TAFA2: variants seen among roughly 807,000 people sequenced by gnomAD.
The protein encoded by TAFA2 is TAFA chemokine like family member 2, also known as chemokine-like protein TAFA-2.
A neutral mutation model predicts 18.8 loss-of-function variants in TAFA2; 7 were observed. That is an observed-to-expected ratio of 0.37 (90% CI 0.21 to 0.70). TAFA2 has a LOEUF of 0.70. Ranked by LOEUF, TAFA2 falls within the 30% of genes least tolerant of loss-of-function variation. TAFA2 has a pLI of 0.53. For synonymous variants in TAFA2, 60 were observed against 54.2 expected, an observed-to-expected ratio of 1.11 and a Z score of -0.47; for missense variants, 122 against 158.1, an observed-to-expected ratio of 0.77 and a Z score of 1.23.
chr12:61,829,200 T>A (rs1276083814), intron 2 of TAFA2, among the ~76,000 whole-genome samples: 1 of 151,752 alleles, frequency 6.6e-6, no homozygotes, highest in Non-Finnish European at 1.5e-5. Context: ...TTTATAGTAC[T>A]GCACTGAAGT....
intron 1 of TAFA2, among the ~76,000 whole-genome samples, chr12:62,134,909 A>G (rs2136899561): frequency 6.6e-6 from 1 of 152,036 alleles, no homozygotes; most frequent in Admixed American, 6.6e-5. Flanking sequence ...CCAGCACTGT[A>G]ACATTACCTA....
At chr12:61,755,083 C>T in intron 2 of TAFA2, 59 bp from the exon 3 acceptor site, 1 of 1,558,130 alleles carries the variant, frequency 6.4e-7, no homozygotes. Context: ...TCCCCCCACC[C>T]TTCTTTTTAA....
At chr12:62,189,540 G>T (rs894052093) in intron 1 of TAFA2, among the ~76,000 whole-genome samples, 2 of 152,166 alleles carry the variant, frequency 1.3e-5, no homozygotes, top group East Asian at 3.8e-4. Context: ...AGGATGTTAG[G>T]TGCCAATTTT....
chr12:62,065,839 G>A (rs1222623110), intron 1 of TAFA2, among the ~76,000 whole-genome samples: 1 of 151,766 alleles, frequency 6.6e-6, no homozygotes, highest in Non-Finnish European at 1.5e-5. Context: ...AATAATAAAA[G>A]AAAAGTGGTT....
At chr12:62,039,260 A>G (rs1294804677) in intron 1 of TAFA2, among the ~76,000 whole-genome samples, 1 of 152,220 alleles carries the variant, frequency 6.6e-6, no homozygotes, top group African/African-American at 2.4e-5. Context: ...CTAATTCACT[A>G]TTTTATTTAT....
At chr12:62,075,947 T>C (rs1565736389) in intron 1 of TAFA2, among the ~76,000 whole-genome samples, 1 of 152,226 alleles carries the variant, frequency 6.6e-6, no homozygotes, top group Non-Finnish European at 1.5e-5. Flanking sequence ...CTCTTTTTAT[T>C]TTGTAGACCC....
chr12:62,194,329 AC>A (rs1281256788), upstream of TAFA2, among the ~76,000 whole-genome samples: 2 of 1,172 alleles, frequency 1.7e-3, no homozygotes, highest in Non-Finnish European at 5.1e-3. Flanking sequence ...ACACACACAT[AC>A]AAAAAAACAT....
chr12:61,854,217 A>T (rs1273955859), intron 2 of TAFA2, among the ~76,000 whole-genome samples: 2 of 152,200 alleles, frequency 1.3e-5, no homozygotes, highest in African/African-American at 4.8e-5. Context: ...AGAATATTCA[A>T]AAAACAAAAA....
intron 2 of TAFA2, among the ~76,000 whole-genome samples, chr12:61,806,309 T>C (rs906092653): frequency 1.3e-5 from 2 of 152,140 alleles, no homozygotes; most frequent in Admixed American, 1.3e-4. Flanking sequence ...TCACGAGATC[T>C]GATGTATTTT....
intron 1 of TAFA2, among the ~76,000 whole-genome samples, chr12:62,056,834 C>A (rs2136782188): frequency 6.6e-6 from 1 of 152,314 alleles, no homozygotes; most frequent in South Asian, 2.1e-4. Context: ...TCAAGCGTAA[C>A]AATAACCACA....
chr12:61,944,971 C>G (rs1878204343), intron 1 of TAFA2, among the ~76,000 whole-genome samples: 1 of 149,966 alleles, frequency 6.7e-6, no homozygotes, highest in African/African-American at 2.5e-5. Flanking sequence ...CAGCATCATT[C>G]TGATACCAAA....
chr12:61,826,231 G>A (rs1241989622), intron 2 of TAFA2, among the ~76,000 whole-genome samples: 1 of 151,946 alleles, frequency 6.6e-6, no homozygotes, highest in East Asian at 1.9e-4. Flanking sequence ...CATTTTCAGA[G>A]TACGTGTAGC....
chr12:62,065,273 A>G (rs1442360421), intron 1 of TAFA2, among the ~76,000 whole-genome samples: 1 of 152,086 alleles, frequency 6.6e-6, no homozygotes, highest in Non-Finnish European at 1.5e-5. Context: ...CTTCCAGGAA[A>G]AAACCTGAGC....
intron 4 of TAFA2, among the ~76,000 whole-genome samples, chr12:61,730,066 T>C (rs1454538766): frequency 6.6e-6 from 1 of 152,150 alleles, no homozygotes; most frequent in East Asian, 1.9e-4. Context: ...AGGAGTACTG[T>C]GATGTGATCT....
intron 2 of TAFA2, among the ~76,000 whole-genome samples, chr12:61,854,518 A>G (rs149152013): frequency 3.3e-4 from 50 of 152,178 alleles, no homozygotes; most frequent in African/African-American, 1.1e-3. Context: ...AGCAGTTCAT[A>G]ATGGATCTTC....
intron 1 of TAFA2, among the ~76,000 whole-genome samples, chr12:62,110,557 C>A (rs1209540337): frequency 6.7e-6 from 1 of 150,180 alleles, no homozygotes; most frequent in Non-Finnish European, 1.5e-5. Context: ...GGAATGGCAC[C>A]AGCTTCCTTT....
chr12:61,785,319 T>TTGTGTGTG (rs57166010), intron 2 of TAFA2, among the ~76,000 whole-genome samples: 18,408 of 139,696 alleles, frequency 0.13, 981 homozygotes, highest in Non-Finnish European at 0.16. Flanking sequence ...AATAGTATTC[T>TTGTGTGTG]TGTGTGTGTG....
intron 2 of TAFA2, among the ~76,000 whole-genome samples, chr12:61,842,993 A>G (rs1474268745): frequency 6.6e-6 from 1 of 152,094 alleles, no homozygotes; most frequent in African/African-American, 2.4e-5. Flanking sequence ...AAGCTGGCCC[A>G]CACAAGGAAG....
chr12:62,076,943 G>A (rs974335693), intron 1 of TAFA2, among the ~76,000 whole-genome samples: 1 of 152,146 alleles, frequency 6.6e-6, no homozygotes, highest in Non-Finnish European at 1.5e-5. Context: ...GCTCATGAGT[G>A]GAAGTCTAAA....
Sources: allele counts gnomAD v4.1 joint callset (sites outside exome capture counted in the v4.1 genomes callset), GRCh38; gene constraint gnomAD v4.1.1; transcripts MANE v1.5; gene names NCBI Gene and HGNC (gene_info 2026-07-23, HGNC 2026-07-21).